The following ARPC2 variants were observed in gnomAD, a reference collection of about 807,000 sequenced individuals.
ARPC2 encodes actin-related protein 2/3 complex subunit 2.
In ARPC2, 4 loss-of-function variants were observed where a neutral mutation model predicts 38.6. That is an observed-to-expected ratio of 0.10 (90% confidence interval 0.05 to 0.24). The LOEUF (loss-of-function observed/expected upper bound fraction) is 0.24. Among genes scored for constraint, ARPC2 ranks in the 10% least tolerant of loss-of-function variants. The pLI, the probability that ARPC2 is intolerant of heterozygous loss-of-function variation, is 1.00. For missense variants in ARPC2, 229 were observed against 387.3 expected, an observed-to-expected ratio of 0.59 and a Z score of 3.43; for synonymous variants, 125 against 140.8, an observed-to-expected ratio of 0.89 and a Z score of 0.79.
At chr2:218,231,559 A>T (rs1448124497) in intron 4 of ARPC2, among the ~76,000 whole-genome samples, 3 of 152,044 alleles carry the variant, frequency 2.0e-5, no homozygotes, top group African/African-American at 4.8e-5. Flanking sequence ...ACTTTTTTTT[A>T]AAGAAGTGGT....
chr2:218,237,322 C>A (rs1366415592), intron 5 of ARPC2, among the ~76,000 whole-genome samples: 1 of 152,080 alleles, frequency 6.6e-6, no homozygotes, highest in East Asian at 1.9e-4. Flanking sequence ...GCCTCAGCCT[C>A]CGGAGTACCT....
At chr2:218,241,168 A>G (rs914807861) in intron 7 of ARPC2, among the ~76,000 whole-genome samples, 3 of 152,218 alleles carry the variant, frequency 2.0e-5, no homozygotes, top group African/African-American at 7.2e-5. Context: ...CTGAAGCAGA[A>G]TCTCTTTTGC....
chr2:218,243,649 G>A (rs1222341053), intron 7 of ARPC2, among the ~76,000 whole-genome samples: 1 of 152,164 alleles, frequency 6.6e-6, no homozygotes, highest in African/African-American at 2.4e-5. Context: ...GATGGCACAC[G>A]CCTGTAATCT....
At chr2:218,233,960 T>C (rs1275571993) in intron 4 of ARPC2, 1 of 157,096 alleles carries the variant, frequency 6.4e-6, no homozygotes, top group African/African-American at 2.4e-5. Context: ...AGGTCAGTAG[T>C]TCAAGATCAG....
At chr2:218,232,436 C>G (rs1452398722) in intron 4 of ARPC2, among the ~76,000 whole-genome samples, 2 of 151,878 alleles carry the variant, frequency 1.3e-5, no homozygotes, top group East Asian at 3.9e-4. Context: ...GACTCATGTT[C>G]TGGGGACTGG....
At chr2:218,243,852 A>G (rs925586624) in intron 7 of ARPC2, among the ~76,000 whole-genome samples, 3 of 152,234 alleles carry the variant, frequency 2.0e-5, no homozygotes, top group Non-Finnish European at 4.4e-5. Context: ...TTCCATATAC[A>G]AAACTAATGA....
intron 4 of ARPC2, among the ~76,000 whole-genome samples, chr2:218,231,830 G>A (rs993940195): frequency 2.6e-5 from 4 of 152,248 alleles, no homozygotes; most frequent in East Asian, 1.9e-4. Flanking sequence ...TCAGCCAGGC[G>A]TGGGGGCTCA....
chr2:218,252,992 A>G (rs1183307561), intron 10 of ARPC2: 5 of 456,790 alleles, frequency 1.1e-5, no homozygotes, highest in Admixed American at 9.4e-5. Context: ...CAGGAGACAA[A>G]CAGCTGCATC....
chr2:218,230,287 C>CTTTTTTTTTTTTTTTTT (rs768585570), intron 4 of ARPC2, among the ~76,000 whole-genome samples: 300 of 73,028 alleles, frequency 4.1e-3, no homozygotes, highest in Non-Finnish European at 5.6e-3. Flanking sequence ...TTTTTTTTTT[C>CTTTTTTTTTTTTTTTTT]TTTTTTTTTT....
chr2:218,240,619 C>T (rs144183845), intron 7 of ARPC2, among the ~76,000 whole-genome samples: 33 of 152,224 alleles, frequency 2.2e-4, no homozygotes, highest in Non-Finnish European at 4.1e-4. Flanking sequence ...AGGCCAGGCG[C>T]GGTGGCTGAC....
At chr2:218,252,909 T>C (rs1417612431) in intron 10 of ARPC2, 3 of 456,554 alleles carry the variant, frequency 6.6e-6, no homozygotes, top group Non-Finnish European at 1.3e-5. Context: ...TCTCTGGGAC[T>C]TAGAAAGAGC....
chr2:218,238,227 A>G (rs1032883718), intron 5 of ARPC2, among the ~76,000 whole-genome samples: 2 of 152,198 alleles, frequency 1.3e-5, no homozygotes, highest in Admixed American at 6.5e-5. Context: ...TTTGCTGGCC[A>G]TACTGATACT....
intron 2 of ARPC2, among the ~76,000 whole-genome samples, chr2:218,217,781 C>A (rs1165438205): frequency 2.0e-5 from 3 of 152,164 alleles, no homozygotes; most frequent in African/African-American, 4.8e-5. Context: ...GAGGGCTGTG[C>A]GTGCCAAAGG....
intron 10 of ARPC2, among the ~76,000 whole-genome samples, chr2:218,251,396 T>C (rs1286665139): frequency 3.3e-5 from 5 of 151,828 alleles, no homozygotes; most frequent in African/African-American, 1.2e-4. Flanking sequence ...GTATTTTTAA[T>C]AGAGACAGGG....
chr2:218,219,434 C>G (rs1027936186), intron 2 of ARPC2, among the ~76,000 whole-genome samples: 2 of 151,810 alleles, frequency 1.3e-5, no homozygotes, highest in Non-Finnish European at 2.9e-5. Context: ...ACTGCAACCT[C>G]GCCCTCCCAG....
chr2:218,242,495 G>C (rs1376103720), intron 7 of ARPC2, among the ~76,000 whole-genome samples: 1 of 152,194 alleles, frequency 6.6e-6, no homozygotes, highest in Non-Finnish European at 1.5e-5. Flanking sequence ...CTGCCTGTTT[G>C]CATGTGTGGG....
chr2:218,230,224 G>A (rs899932058), intron 4 of ARPC2, among the ~76,000 whole-genome samples: 14 of 149,696 alleles, frequency 9.4e-5, no homozygotes, highest in Admixed American at 2.7e-4. Context: ...TGCCTGCCTC[G>A]ACCTCCCACA....
chr2:218,248,060 G>A (rs1008347111), intron 8 of ARPC2, among the ~76,000 whole-genome samples: 1 of 151,906 alleles, frequency 6.6e-6, no homozygotes, highest in African/African-American at 2.4e-5. Flanking sequence ...GATTACAGGC[G>A]TGTGCCACTG....
intron 10 of ARPC2, among the ~76,000 whole-genome samples, chr2:218,250,623 C>G (rs918610727): frequency 6.7e-6 from 1 of 148,440 alleles, no homozygotes; most frequent in Non-Finnish European, 1.5e-5. Context: ...AAGATTGTGC[C>G]ACTGCACTCC....
Sources: gnomAD v4.1 joint callset for allele counts (sites outside exome capture counted in the v4.1 genomes callset) on GRCh38, gnomAD v4.1.1 for gene constraint, MANE v1.5 for transcripts, NCBI Gene and HGNC (gene_info 2026-07-23, HGNC 2026-07-21) for gene names.